The following KLHL22 variants were observed in gnomAD, a reference collection of about 807,000 sequenced individuals.
The protein encoded by KLHL22 is kelch-like protein 22.
A neutral mutation model predicts 60.7 loss-of-function variants in KLHL22; 18 were observed. The observed-to-expected ratio is 0.30, with a 90% CI of 0.20 to 0.44. KLHL22 has a LOEUF of 0.44. Among genes scored for constraint, KLHL22 ranks in the 20% least tolerant of loss-of-function variants. The probability of loss-of-function intolerance (pLI) is 1.00; values close to 1 mark genes in which losing one functional copy is unlikely to be tolerated. For missense variants in KLHL22, 596 were observed against 852.3 expected (o/e 0.70, Z 3.74); for synonymous variants, 355 against 354.5 (o/e 1.00, Z -0.01).
chr22:20,491,499 G>A (rs1347529465), intron 1 of KLHL22: 2 of 152,170 alleles, frequency 1.3e-5, no homozygotes. Context: ...AAAGATTTTA[G>A]AAGTTGTATG....
chr22:20,455,737 AAC>A (rs2053053420), intron 5 of KLHL22, among the ~76,000 whole-genome samples: 1 of 152,204 alleles, frequency 6.6e-6, no homozygotes, highest in Non-Finnish European at 1.5e-5. Flanking sequence ...AGTGGTAAAA[AAC>A]ACACCTCCTG....
At chr22:20,483,388 G>A in intron 2 of KLHL22, 1 of 807,984 alleles carries the variant, frequency 1.2e-6, no homozygotes, top group South Asian at 1.3e-5. Flanking sequence ...CTGAGATTTG[G>A]GGGCATCTAC....
At chr22:20,450,352 T>A (rs942299527) in intron 5 of KLHL22, 12 of 1,344,532 alleles carry the variant, frequency 8.9e-6, no homozygotes, top group Non-Finnish European at 1.3e-5. Context: ...ACATCCAAGG[T>A]TTGACTGCCT....
chr22:20,488,788 A>C (rs894113476), intron 2 of KLHL22, 197 bp downstream of exon 2: 7 of 598,052 alleles, frequency 1.2e-5, no homozygotes, highest in Non-Finnish European at 1.8e-5. Context: ...AAAGCCCAAG[A>C]AACAGGATCA....
chr22:20,462,521 ATT>A (rs558617516), intron 4 of KLHL22, among the ~76,000 whole-genome samples: 16 of 134,646 alleles, frequency 1.2e-4, no homozygotes, highest in Admixed American at 2.2e-4. Flanking sequence ...GGCCCAGCTA[ATT>A]TTTTTTTTTT....
At chr22:20,472,812 A>C (rs78490140) in intron 2 of KLHL22, among the ~76,000 whole-genome samples, 8,548 of 152,290 alleles carry the variant, frequency 0.056, 318 homozygotes, top group Non-Finnish European at 0.088. Context: ...GAAGAGGGGT[A>C]GGTGGAATGA....
At position 20,454,751 on chromosome 22, in the gene KLHL22, CATTCTTACT is replaced by C. The variant is rs1292562395; in HGVS notation, c.1305+3048_1305+3056del. ...ATTAATTGGGTTGGGAAAGAACTGA[CATTCTTACT>C]ATTCTTACTCTTCCAATCCATGGAC... On this transcript the variant is annotated intron_variant, in intron 5 of 6. Coordinates refer to ENST00000328879, the MANE Select transcript of KLHL22 (RefSeq NM_032775.4). Among the ~76,000 whole-genome samples the C allele has an allele frequency of 2.6e-5, 4 of 152,166 alleles. No homozygotes were observed. The East Asian group carries it at 7.7e-4, about 29-fold the overall frequency.
intron 2 of KLHL22, among the ~76,000 whole-genome samples, chr22:20,472,951 C>G (rs544761256): frequency 9.9e-5 from 15 of 152,232 alleles, no homozygotes; most frequent in African/African-American, 3.4e-4. Flanking sequence ...CAAGGCAGAG[C>G]TTGGCATGCA....
chr22:20,443,336 T>A (rs2052795203), intron 6 of KLHL22, among the ~76,000 whole-genome samples: 1 of 143,240 alleles, frequency 7.0e-6, no homozygotes, highest in South Asian at 2.3e-4. Flanking sequence ...GCAGATAGGA[T>A]CAAGGGTACA....
intron 6 of KLHL22, among the ~76,000 whole-genome samples, chr22:20,445,485 C>G (rs572648018): frequency 1.3e-4 from 20 of 152,230 alleles, no homozygotes; most frequent in African/African-American, 4.8e-4. Flanking sequence ...GGATTACAGG[C>G]GTGAGCCACC....
chr22:20,446,862 C>G (rs965795480), intron 5 of KLHL22, among the ~76,000 whole-genome samples, 186 bp from the exon 6 acceptor site: 4 of 152,222 alleles, frequency 2.6e-5, no homozygotes. Context: ...AGTCATTGAC[C>G]TCTAACCTCT....
At chr22:20,476,770 G>A (rs376283150) in intron 2 of KLHL22, among the ~76,000 whole-genome samples, 1 of 145,548 alleles carries the variant, frequency 6.9e-6, no homozygotes, top group East Asian at 2.1e-4. Flanking sequence ...GTGCAATGGC[G>A]CAATCTCGGC....
chr22:20,471,853 C>T (rs1645255374), intron 2 of KLHL22, among the ~76,000 whole-genome samples: 1 of 152,182 alleles, frequency 6.6e-6, no homozygotes, highest in South Asian at 2.1e-4. Flanking sequence ...AACTCCAGAG[C>T]ACATTTCAAA....
At chr22:20,475,094 T>A (rs1456177669) in intron 2 of KLHL22, 1 of 152,238 alleles carries the variant, frequency 6.6e-6, no homozygotes, top group Non-Finnish European at 1.5e-5. Flanking sequence ...GACTGTCTTA[T>A]CAATTTGAAG....
At chr22:20,447,976 C>T (rs2052903463) in intron 5 of KLHL22, among the ~76,000 whole-genome samples, 1 of 152,152 alleles carries the variant, frequency 6.6e-6, no homozygotes, top group African/African-American at 2.4e-5. Context: ...ACAGGGTCAC[C>T]AGGATGCTGA....
chr22:20,458,766 C>G (rs929614373), intron 4 of KLHL22, among the ~76,000 whole-genome samples: 1 of 152,106 alleles, frequency 6.6e-6, no homozygotes, highest in South Asian at 2.1e-4. Flanking sequence ...GCCGCACACA[C>G]AAGGCTCTGG....
At chr22:20,455,098 T>G (rs2053041986) in intron 5 of KLHL22, among the ~76,000 whole-genome samples, 1 of 152,186 alleles carries the variant, frequency 6.6e-6, no homozygotes, top group African/African-American at 2.4e-5. Context: ...GCCAGGCTGG[T>G]CTTGAACTCC....
chr22:20,476,575 G>A (rs1045208355), intron 2 of KLHL22, among the ~76,000 whole-genome samples: 4 of 151,088 alleles, frequency 2.6e-5, no homozygotes, highest in Admixed American at 6.6e-5. Flanking sequence ...CACGTCGCCC[G>A]GCTAATTTTT....
At chr22:20,447,145 T>G (rs1490511279) in intron 5 of KLHL22, among the ~76,000 whole-genome samples, 1 of 152,248 alleles carries the variant, frequency 6.6e-6, no homozygotes, top group Middle Eastern at 3.2e-3. Context: ...AAACTCATGA[T>G]GTGGGGAGAA....
Sources: gnomAD v4.1 joint callset for allele counts (sites outside exome capture counted in the v4.1 genomes callset) on GRCh38, gnomAD v4.1.1 for gene constraint, MANE v1.5 for transcripts, NCBI Gene and HGNC (gene_info 2026-07-23, HGNC 2026-07-21) for gene names.